WFDC3: variants seen among roughly 807,000 people sequenced by gnomAD.
The protein encoded by WFDC3 is WAP four-disulfide core domain protein 3.
In WFDC3, 15 loss-of-function variants were observed where a neutral mutation model predicts 25.8. The ratio of observed to expected loss-of-function variants is 0.58; its 90% CI spans 0.39 to 0.89. WFDC3 has a LOEUF of 0.89. WFDC3 is among the 40% of genes least tolerant of loss of function. WFDC3 has a pLI of 0.00. For synonymous variants in WFDC3, 103 were observed against 107.1 expected (o/e 0.96, Z 0.24); for missense variants, 264 against 289.8 (o/e 0.91, Z 0.65).
intron 4 of WFDC3, among the ~76,000 whole-genome samples, chr20:45,784,690 G>A (rs1182308315): frequency 3.9e-5 from 6 of 152,142 alleles, no homozygotes; most frequent in East Asian, 1.9e-4. Flanking sequence ...GCAGTGAGCC[G>A]AGACTGCACC....
Position 45,788,965 on chromosome 20 carries a change from T to G in WFDC3, c.177A>C (p.Thr59=). 1 of 1,613,532 alleles carries G rather than the reference T, an allele frequency of 6.2e-7. No homozygotes were observed. The highest frequency in any genetic ancestry group is 8.5e-7 in the Non-Finnish European group (1 of 1,179,810). ...TGTCTCGGCAGATCCGACCACAGCC[T>G]GTGGTGCAGCACTTCTGTTCAGCCG... ...LCPAEQKCCT[T]GCGRICRDIP... The change falls in exon 3 of 7, where the codon ACA becomes ACC. Residue 59 remains threonine, a synonymous_variant. Transcript: ENST00000243938.
chr20:45,789,318 A>G (rs1980835273), intron 2 of WFDC3, among the ~76,000 whole-genome samples: 1 of 152,066 alleles, frequency 6.6e-6, no homozygotes, highest in Non-Finnish European at 1.5e-5. Flanking sequence ...CATCCTGGCT[A>G]ACACAGTGAA....
At position 45,776,636 on chromosome 20, in the gene WFDC3, ATATATATAT is replaced by A. The variant is rs1292709454; in HGVS notation, c.493+430_493+438del. ...AAGAAAAAAAAGAAAAAAAAAAAAA[ATATATATAT>A]ATATATATATATATATGTGTGTGTG... is the stretch of plus-strand genomic sequence containing the variant. On this transcript the variant is annotated intron_variant, in intron 5 of 6. Coordinates refer to ENST00000243938, the MANE Select transcript of WFDC3 (RefSeq NM_080614.2). 1.3e-4 allele frequency among the ~76,000 whole-genome samples: 10 copies of A among 78,386 alleles called. No individual in the cohort carries two copies. The East Asian group carries it at 2.5e-3, about 20-fold the overall frequency. The allele number at this position is 78,386 out of a possible 152,430, so 51.4% of individuals were successfully genotyped here. A position where few individuals can be genotyped will look rare whatever the true frequency, so the allele number is the denominator to read the frequency against.
In WFDC3 at chr20:45,789,044, C is replaced by A; in HGVS notation, c.98G>T (p.Cys33Phe). ...TTTGCATGGGTTCTTATGGGGAGGG[C>A]ATTCTCCCTCTTTTGCTGCAAAAGA... ...TAGEHAKEGE[C>F]PPHKNPCKEL... Residue 33 changes from cysteine to phenylalanine, a missense_variant, in exon 3 of 7, where the codon TGC (cysteine) becomes TTC (phenylalanine). By Grantham distance (205) the Cys-to-Phe change is radical. Coordinates refer to ENST00000243938, the MANE Select transcript of WFDC3 (RefSeq NM_080614.2). 6.2e-7 allele frequency: 1 copy of A among 1,612,218 alleles called. No homozygotes were observed. Among genetic ancestry groups the A allele is most frequent in the Non-Finnish European group, 8.5e-7 (1 of 1,179,578 alleles).
At chr20:45,783,157 C>T (rs1229133701) in intron 4 of WFDC3, among the ~76,000 whole-genome samples, 1 of 152,118 alleles carries the variant, frequency 6.6e-6, no homozygotes, top group Non-Finnish European at 1.5e-5. Flanking sequence ...TAGCCACACT[C>T]AATATACAGT....
At chr20:45,783,640 C>T (rs1010938602) in intron 4 of WFDC3, among the ~76,000 whole-genome samples, 2 of 151,892 alleles carry the variant, frequency 1.3e-5, no homozygotes, top group African/African-American at 4.8e-5. Flanking sequence ...AGGATTCAGA[C>T]CCATGTTCAG....
At chr20:45,787,286 T>C (rs866261427) in intron 4 of WFDC3, among the ~76,000 whole-genome samples, 1,622 of 109,640 alleles carry the variant, frequency 0.015, 54 homozygotes, top group African/African-American at 0.056. Flanking sequence ...TTTTTTCTTT[T>C]TTTTTTTTTT....
At chr20:45,785,564 T>C (rs1246374521) in intron 4 of WFDC3, among the ~76,000 whole-genome samples, 1 of 152,072 alleles carries the variant, frequency 6.6e-6, no homozygotes, top group African/African-American at 2.4e-5. Context: ...CTAATTTAAT[T>C]TATATATCTA....
intron 3 of WFDC3, chr20:45,788,668 T>C (rs374731801): frequency 1.0e-4 from 37 of 361,292 alleles, no homozygotes; most frequent in East Asian, 9.2e-4. Flanking sequence ...CCTTTACAAC[T>C]CTTCCCTCCA....
chr20:45,783,932 C>T (rs909639680), intron 4 of WFDC3, among the ~76,000 whole-genome samples: 1 of 152,178 alleles, frequency 6.6e-6, no homozygotes, highest in African/African-American at 2.4e-5. Context: ...TCACCTCCCA[C>T]CAGGCTAGGA....
At chr20:45,779,282 C>G (rs1980333314) in intron 4 of WFDC3, among the ~76,000 whole-genome samples, 1 of 152,158 alleles carries the variant, frequency 6.6e-6, no homozygotes, top group Non-Finnish European at 1.5e-5. Context: ...AAAGATTTCG[C>G]AGAAAACCAA....
intron 2 of WFDC3, 51 bp downstream of exon 2, chr20:45,789,843 C>T (rs45549239): frequency 0.054 from 84,308 of 1,550,088 alleles, 2,634 homozygotes; most frequent in Middle Eastern, 0.088. Context: ...TTCTCCTCTC[C>T]TCTAGTCACT....
At chr20:45,785,098 TA>T in intron 4 of WFDC3, among the ~76,000 whole-genome samples, 1 of 152,288 alleles carries the variant, frequency 6.6e-6, no homozygotes. Context: ...TACCTAGGCA[TA>T]AATTTATGGA....
At chr20:45,775,020 T>C (rs1313387074) in intron 6 of WFDC3, among the ~76,000 whole-genome samples, 19 of 150,476 alleles carry the variant, frequency 1.3e-4, no homozygotes, top group Admixed American at 1.3e-3. Flanking sequence ...CCCAAACATA[T>C]CCCACACATT....
At chr20:45,776,905 C>T (rs1296696592) in intron 5 of WFDC3, among the ~76,000 whole-genome samples, 170 bp downstream of exon 5, 1 of 152,070 alleles carries the variant, frequency 6.6e-6, no homozygotes, top group Non-Finnish European at 1.5e-5. Flanking sequence ...TGCCTTCCCC[C>T]AGTTCTTTTA....
At chr20:45,785,777 G>C (rs561484607) in intron 4 of WFDC3, among the ~76,000 whole-genome samples, 2 of 152,264 alleles carry the variant, frequency 1.3e-5, no homozygotes, top group East Asian at 3.9e-4. Flanking sequence ...AGGGAATGGA[G>C]AAGGAATAGA....
In WFDC3 at chr20:45,774,229, T is replaced by C; in HGVS notation, c.*199A>G. ...AACAAGAGGTCAGCACCAGCCTTTA[T>C]CGGGAAAGAGAAGCACCACACACCC... On this transcript the variant is annotated 3_prime_UTR_variant, in exon 7 of 7. Coordinates refer to ENST00000243938, the MANE Select transcript of WFDC3 (RefSeq NM_080614.2). 3 of 670,408 alleles carry C rather than the reference T, an allele frequency of 4.5e-6. No homozygotes were observed. The highest frequency in any genetic ancestry group is 7.7e-6 in the Non-Finnish European group (3 of 387,786). The allele number at this position is 670,408 out of a possible 1,614,324, so 41.5% of individuals were successfully genotyped here.
chr20:45,780,672 T>A (rs1980402869), intron 4 of WFDC3, among the ~76,000 whole-genome samples: 1 of 151,972 alleles, frequency 6.6e-6, no homozygotes, highest in Non-Finnish European at 1.5e-5. Flanking sequence ...AAAAAAGGAG[T>A]GAAGCTGAAG....
intron 4 of WFDC3, among the ~76,000 whole-genome samples, chr20:45,778,510 G>A (rs1980296472): frequency 6.6e-6 from 1 of 152,190 alleles, no homozygotes; most frequent in African/African-American, 2.4e-5. Flanking sequence ...GCAACAAGGG[G>A]TGACCACAAA....
Sources: gnomAD v4.1 joint callset for allele counts (sites outside exome capture counted in the v4.1 genomes callset) on GRCh38, gnomAD v4.1.1 for gene constraint, MANE v1.5 for transcripts, NCBI Gene and HGNC (gene_info 2026-07-23, HGNC 2026-07-21) for gene names.